The following HOOK3 variants were observed in gnomAD, a reference collection of about 807,000 sequenced individuals.
HOOK3 encodes the protein protein Hook homolog 3.
HOOK3 carries 24 observed loss-of-function variants against 116.3 expected under a neutral mutation model. That is an observed-to-expected ratio of 0.21 (90% CI 0.15 to 0.29). The LOEUF (loss-of-function observed/expected upper bound fraction) is 0.29, where lower values mean the gene tolerates loss of function less well. HOOK3 is among the 10% of genes least tolerant of loss of function. HOOK3 has a pLI of 1.00. For synonymous variants in HOOK3, 275 were observed against 283.0 expected, an observed-to-expected ratio of 0.97 and a Z score of 0.28; for missense variants, 632 against 830.2, an observed-to-expected ratio of 0.76 and a Z score of 2.93.
intron 5 of HOOK3, chr8:42,949,421 G>C (rs1363956858): frequency 6.6e-6 from 1 of 152,110 alleles, no homozygotes; most frequent in Non-Finnish European, 1.5e-5. Context: ...TGAGAAGGGG[G>C]AAGTAGTAGA....
At chr8:42,971,309 C>T (rs1047485549) in intron 11 of HOOK3, among the ~76,000 whole-genome samples, 2 of 152,182 alleles carry the variant, frequency 1.3e-5, no homozygotes, top group African/African-American at 4.8e-5. Flanking sequence ...CTCTGTCGCT[C>T]AGGCTAGAGT....
At chr8:43,010,990 G>T (rs1809594559) in intron 19 of HOOK3, among the ~76,000 whole-genome samples, 1 of 151,726 alleles carries the variant, frequency 6.6e-6, no homozygotes, top group South Asian at 2.1e-4. Flanking sequence ...GGTTAAGGGG[G>T]TCCATTTTCT....
At position 42,897,063 on chromosome 8, in the gene HOOK3, C is replaced by T. The variant is rs1351822265; in HGVS notation, c.-69C>T. The T allele has an allele frequency of 9.4e-6, 11 of 1,175,542 alleles. No homozygotes were observed. The East Asian group carries it at 9.6e-5, about 10-fold the overall frequency. 72.8% of individuals were successfully genotyped at this position (1,175,542 alleles called of 1,614,324 possible). A position where few individuals can be genotyped will look rare whatever the true frequency, so the allele number is the denominator to read the frequency against. Reference sequence around the variant, plus strand: ...AGGCCGAGTCAGCTGCGCGGGCCCCCGGATCCCCCGACAGAGCGGCGGCGG... The same window carrying T: ...AGGCCGAGTCAGCTGCGCGGGCCCCTGGATCCCCCGACAGAGCGGCGGCGG... On this transcript the variant is annotated 5_prime_UTR_variant, in exon 1 of 22. Transcript: ENST00000307602.
intron 3 of HOOK3, among the ~76,000 whole-genome samples, chr8:42,929,672 G>T (rs576422686): frequency 7.2e-5 from 11 of 152,094 alleles, no homozygotes; most frequent in Admixed American, 2.6e-4. Flanking sequence ...TACTTCATGG[G>T]TTATTTTAAA....
At chr8:42,904,306 CTTTTTTTTT>C (rs753501072) in intron 1 of HOOK3, among the ~76,000 whole-genome samples, 12 of 122,440 alleles carry the variant, frequency 9.8e-5, no homozygotes, top group African/African-American at 3.1e-4. Flanking sequence ...CCGGTATGAT[CTTTTTTTTT>C]TTTTTTTTTT....
chr8:42,987,018 C>G (rs935897210), intron 15 of HOOK3, among the ~76,000 whole-genome samples: 2 of 152,058 alleles, frequency 1.3e-5, no homozygotes, highest in African/African-American at 4.8e-5. Context: ...AAAAATTAGC[C>G]AGGCATGGTG....
intron 3 of HOOK3, among the ~76,000 whole-genome samples, chr8:42,927,321 A>G (rs985872999): frequency 1.3e-5 from 2 of 148,924 alleles, no homozygotes; most frequent in East Asian, 2.0e-4. Flanking sequence ...CAGTGGTGCA[A>G]TCTCGGCTCG....
At chr8:42,961,913 A>G (rs769656214) in intron 8 of HOOK3, among the ~76,000 whole-genome samples, 6 of 152,114 alleles carry the variant, frequency 3.9e-5, no homozygotes, top group Non-Finnish European at 8.8e-5. Context: ...CATCCTCCCG[A>G]GTAGCAGGGA....
intron 2 of HOOK3, among the ~76,000 whole-genome samples, chr8:42,922,701 C>T (rs1410212463): frequency 1.3e-5 from 2 of 151,962 alleles, no homozygotes. Flanking sequence ...GAGTTCAAGA[C>T]CAGCCTGGCC....
chr8:42,906,685 G>A (rs978668645), intron 2 of HOOK3, among the ~76,000 whole-genome samples: 5 of 152,064 alleles, frequency 3.3e-5, no homozygotes, highest in Non-Finnish European at 7.4e-5. Context: ...AAGCTTTTGT[G>A]TTCTTCTTTC....
At chr8:43,006,092 C>G (rs1320251470) in intron 17 of HOOK3, among the ~76,000 whole-genome samples, 2 of 151,398 alleles carry the variant, frequency 1.3e-5, no homozygotes, top group Non-Finnish European at 2.9e-5. Context: ...GTGATCTCGG[C>G]TCACTGCAAG....
At chr8:42,901,971 G>A (rs962067152) in intron 1 of HOOK3, among the ~76,000 whole-genome samples, 2 of 152,216 alleles carry the variant, frequency 1.3e-5, no homozygotes, top group African/African-American at 2.4e-5. Context: ...GCTTCCAAAT[G>A]TTCTGGGATT....
At chr8:43,017,864 A>C (rs1038372196) in intron 21 of HOOK3, among the ~76,000 whole-genome samples, 2 of 152,116 alleles carry the variant, frequency 1.3e-5, no homozygotes, top group African/African-American at 2.4e-5. Context: ...AGTTTTCTTA[A>C]TTTGTTTGAG....
chr8:43,007,335 A>G (rs1274074740), intron 17 of HOOK3, among the ~76,000 whole-genome samples: 9 of 152,070 alleles, frequency 5.9e-5, no homozygotes, highest in African/African-American at 2.2e-4. Flanking sequence ...TGACCACAAA[A>G]CTAGCCACAC....
intron 4 of HOOK3, among the ~76,000 whole-genome samples, chr8:42,933,100 C>T (rs571381706): frequency 2.6e-4 from 40 of 152,294 alleles, no homozygotes; most frequent in African/African-American, 9.4e-4. Flanking sequence ...CTATCCACCT[C>T]ATCATTATTT....
chr8:43,011,214 T>C (rs917908177), intron 19 of HOOK3, among the ~76,000 whole-genome samples: 8 of 152,012 alleles, frequency 5.3e-5, no homozygotes, highest in Admixed American at 3.3e-4. Flanking sequence ...AGGATGGGCT[T>C]GATCTCCTGA....
intron 8 of HOOK3, among the ~76,000 whole-genome samples, chr8:42,963,705 T>C (rs1808578537): frequency 6.6e-6 from 1 of 152,242 alleles, no homozygotes; most frequent in Non-Finnish European, 1.5e-5. Context: ...AGTGTAGTTA[T>C]ATAATAATGT....
At position 43,022,423 on chromosome 8, in the gene HOOK3, G is replaced by A. The variant is rs1036871503; in HGVS notation, c.*3925G>A. On this transcript the variant is annotated 3_prime_UTR_variant, in exon 22 of 22. Transcript: ENST00000307602. ...AGCATGGAGCAAGTACAGGGTTGCT[G>A]TGTTGGGTTGGAGCACACTGTCACC... The A allele has an allele frequency of 3.0e-5, 6 of 203,040 alleles. No individual in the cohort carries two copies. Among genetic ancestry groups the A allele is most frequent in the Non-Finnish European group, 6.1e-5 (6 of 98,960 alleles). The allele number at this position is 203,040 out of a possible 1,614,324, so 12.6% of individuals were successfully genotyped here. A position where few individuals can be genotyped will look rare whatever the true frequency, so the allele number is the denominator to read the frequency against.
At chr8:42,904,965 G>A (rs1051137708) in intron 1 of HOOK3, among the ~76,000 whole-genome samples, 2 of 152,114 alleles carry the variant, frequency 1.3e-5, no homozygotes, top group Admixed American at 6.6e-5. Context: ...ATTGATTTCC[G>A]TCTAAATCCT....
Sources: allele counts gnomAD v4.1 joint callset (sites outside exome capture counted in the v4.1 genomes callset), GRCh38; gene constraint gnomAD v4.1.1; transcripts MANE v1.5; gene names NCBI Gene and HGNC (gene_info 2026-07-23, HGNC 2026-07-21).